Variants in RBFOX1 observed in about 807,000 individuals in gnomAD.
The protein encoded by RBFOX1 is RNA binding fox-1 homolog 1.
In RBFOX1, 8 loss-of-function variants were observed where a neutral mutation model predicts 57.7. The ratio of observed to expected loss-of-function variants is 0.14; its 90% CI spans 0.08 to 0.25. The LOEUF (loss-of-function observed/expected upper bound fraction) is 0.25, where lower values mean the gene tolerates loss of function less well. Among genes scored for constraint, RBFOX1 ranks in the 10% least tolerant of loss-of-function variants. The pLI is 1.00. For missense variants in RBFOX1, 611 were observed against 548.5 expected (o/e 1.11, Z -1.14); for synonymous variants, 326 against 222.4 (o/e 1.47, Z -4.15).
At chr16:5,869,378 G>A (rs568435374) in intron 4 of RBFOX1, among the ~76,000 whole-genome samples, 1 of 152,224 alleles carries the variant, frequency 6.6e-6, no homozygotes, top group African/African-American at 2.4e-5. Context: ...AAACGATCAT[G>A]TTGCCCCTTT....
intron 1 of RBFOX1, among the ~76,000 whole-genome samples, chr16:6,244,631 T>C (rs1167672522): frequency 6.6e-6 from 1 of 152,202 alleles, no homozygotes. Flanking sequence ...TGCCTCAGCC[T>C]CCCGAGTAGC....
rs567073605 is a variant in RBFOX1 at position 7,281,841 on chromosome 16, CTTTCTTTTCT to C, written c.27+229748_27+229757del. Among the ~76,000 whole-genome samples, 221 of 152,142 alleles carry C rather than the reference CTTTCTTTTCT, an allele frequency of 1.5e-3. 2 individuals carry two copies. The highest frequency in any genetic ancestry group is 5.2e-3 in the African/African-American group (214 of 41,506). On this transcript the variant is annotated intron_variant, in intron 4 of 15. Transcript: ENST00000550418. ...TTTCTCTCTTTTCCTCCCTGCCTTC[CTTTCTTTTCT>C]TTTCCTTTTATTTTTGTTTTCTTTT...
intron 3 of RBFOX1, chr16:5,616,096 CCT>C (rs1390613502): frequency 6.6e-6 from 1 of 152,548 alleles, no homozygotes; most frequent in East Asian, 1.9e-4. Context: ...TAAGCTAAGC[CCT>C]GACCTGCAAG....
At chr16:6,789,433 G>A (rs191190530) in intron 3 of RBFOX1, among the ~76,000 whole-genome samples, 10 of 152,270 alleles carry the variant, frequency 6.6e-5, no homozygotes, top group Admixed American at 2.6e-4. Flanking sequence ...AAAGTGAAGC[G>A]TGTGGAAGGC....
At chr16:5,733,155 C>G (rs180767547) in intron 3 of RBFOX1, among the ~76,000 whole-genome samples, 3 of 152,302 alleles carry the variant, frequency 2.0e-5, no homozygotes, top group African/African-American at 7.2e-5. Context: ...GTCTGGTATA[C>G]TGTTGTAGTT....
intron 8 of RBFOX1, among the ~76,000 whole-genome samples, chr16:7,595,880 A>G (rs1331962841): frequency 1.3e-5 from 2 of 150,894 alleles, no homozygotes; most frequent in Non-Finnish European, 2.9e-5. Flanking sequence ...GAGACAAAAG[A>G]AAGGTTAATC....
chr16:7,553,057 T>C (rs1396736523), intron 5 of RBFOX1, among the ~76,000 whole-genome samples: 1 of 152,170 alleles, frequency 6.6e-6, no homozygotes, highest in Admixed American at 6.5e-5. Context: ...AAACAAGGTA[T>C]GTGCTCCTTC....
intron 2 of RBFOX1, among the ~76,000 whole-genome samples, chr16:6,464,562 G>A (rs368059836): frequency 2.0e-5 from 3 of 152,152 alleles, no homozygotes; most frequent in Non-Finnish European, 2.9e-5. Context: ...GACATTTGAA[G>A]AAAGGACAAT....
At chr16:7,402,453 C>T (rs56053722) in intron 4 of RBFOX1, among the ~76,000 whole-genome samples, 4,714 of 152,204 alleles carry the variant, frequency 0.031, 226 homozygotes, top group African/African-American at 0.11. Context: ...AATAGTATCC[C>T]ATCCTCTTGC....
chr16:7,442,837 T>TTTCTGA (rs879720290), intron 4 of RBFOX1, among the ~76,000 whole-genome samples: 253 of 152,292 alleles, frequency 1.7e-3, no homozygotes, highest in Middle Eastern at 6.8e-3. Context: ...ATTTGTTTTT[T>TTTCTGA]TTCTGATTCA....
At chr16:7,317,719 C>G (rs760756216) in intron 4 of RBFOX1, among the ~76,000 whole-genome samples, 5 of 152,194 alleles carry the variant, frequency 3.3e-5, no homozygotes, top group Non-Finnish European at 7.3e-5. Flanking sequence ...GAATGTGAAA[C>G]AGAACTGACT....
chr16:7,500,815 G>A (rs2070526449), intron 4 of RBFOX1, among the ~76,000 whole-genome samples: 1 of 152,134 alleles, frequency 6.6e-6, no homozygotes, highest in Non-Finnish European at 1.5e-5. Flanking sequence ...ATCTCATCTT[G>A]AACTCTAGTT....
intron 2 of RBFOX1, among the ~76,000 whole-genome samples, chr16:5,504,442 G>T (rs2043307751): frequency 6.6e-6 from 1 of 152,226 alleles, no homozygotes; most frequent in African/African-American, 2.4e-5. Flanking sequence ...CTGCAGTAGG[G>T]CCAATGGCAT....
intron 1 of RBFOX1, among the ~76,000 whole-genome samples, chr16:6,082,347 A>ATTTTTTTTTTTTT (rs71142677): frequency 9.7e-5 from 4 of 41,038 alleles, no homozygotes; most frequent in East Asian, 7.8e-4. Context: ...CACCTGGCTA[A>ATTTTTTTTTTTTT]TTTTTTTTTT....
chr16:7,643,775 C>T (rs577660501), intron 11 of RBFOX1, among the ~76,000 whole-genome samples: 35 of 152,238 alleles, frequency 2.3e-4, no homozygotes, highest in African/African-American at 7.7e-4. Context: ...TCCCTATGGC[C>T]GGCATCCAAT....
At chr16:7,079,617 C>T (rs2058847471) in intron 4 of RBFOX1, among the ~76,000 whole-genome samples, 1 of 152,182 alleles carries the variant, frequency 6.6e-6, no homozygotes, top group African/African-American at 2.4e-5. Flanking sequence ...ATAAGTACCT[C>T]ATAAAGCCTT....
chr16:5,965,755 A>G (rs1266814560), intron 4 of RBFOX1, among the ~76,000 whole-genome samples: 3 of 152,152 alleles, frequency 2.0e-5, no homozygotes, highest in Admixed American at 6.5e-5. Context: ...TTCTGGTTTC[A>G]TGGGCAGAGT....
At chr16:5,325,212 C>A (rs1026053616) in intron 1 of RBFOX1, among the ~76,000 whole-genome samples, 7 of 152,090 alleles carry the variant, frequency 4.6e-5, no homozygotes, top group African/African-American at 1.4e-4. Flanking sequence ...TCTTCCCCTT[C>A]CCTCTTCTTG....
intron 1 of RBFOX1, among the ~76,000 whole-genome samples, chr16:6,026,151 G>A (rs1047576713): frequency 3.9e-5 from 6 of 152,122 alleles, no homozygotes; most frequent in Admixed American, 3.3e-4. Flanking sequence ...CATCCCAGGG[G>A]CATCTTATAT....
Sources: allele counts gnomAD v4.1 joint callset (sites outside exome capture counted in the v4.1 genomes callset), GRCh38; gene constraint gnomAD v4.1.1; transcripts MANE v1.5; gene names NCBI Gene and HGNC (gene_info 2026-07-23, HGNC 2026-07-21).